Variants in SEC23A observed in about 807,000 individuals in gnomAD.
The protein encoded by SEC23A is protein transport protein Sec23A.
A neutral mutation model predicts 103.7 loss-of-function variants in SEC23A; 56 were observed. That is an observed-to-expected ratio of 0.54 (90% confidence interval 0.44 to 0.67). The LOEUF is 0.67. Ranked by LOEUF, SEC23A falls within the 30% of genes least tolerant of loss-of-function variation. SEC23A has a pLI of 0.00. For synonymous variants in SEC23A, 281 were observed against 293.0 expected, an observed-to-expected ratio of 0.96 and a Z score of 0.42; for missense variants, 784 against 936.4, an observed-to-expected ratio of 0.84 and a Z score of 2.12.
chr14:39,034,847 AAC>A (rs1302330123), intron 19 of SEC23A, among the ~76,000 whole-genome samples: 1 of 152,190 alleles, frequency 6.6e-6, no homozygotes, highest in African/African-American at 2.4e-5. Context: ...GCACTACAGC[AAC>A]AGAGGCCTCC....
intron 10 of SEC23A, among the ~76,000 whole-genome samples, chr14:39,065,997 C>CAAAAAAAAAAAACAAAAAAAA (rs1886649240): frequency 1.2e-5 from 1 of 80,556 alleles, no homozygotes; most frequent in Non-Finnish European, 2.3e-5. Context: ...AACTCCATCT[C>CAAAAAAAAAAAACAAAAAAAA]AAAAAAAAAA....
chr14:39,085,939 T>A, intron 6 of SEC23A, 33 bp from the exon 7 acceptor site: 1 of 1,580,804 alleles, frequency 6.3e-7, no homozygotes, highest in Non-Finnish European at 8.7e-7. Context: ...AAGCCATTTG[T>A]AAATGTTTAT....
At chr14:39,086,478 C>T (rs1197354208) in intron 6 of SEC23A, among the ~76,000 whole-genome samples, 1 of 151,920 alleles carries the variant, frequency 6.6e-6, no homozygotes, top group African/African-American at 2.4e-5. Flanking sequence ...AAAAATTAGC[C>T]AGGCATGGTG....
At chr14:39,101,827 T>G (rs1164242034) in intron 1 of SEC23A, among the ~76,000 whole-genome samples, 2 of 152,226 alleles carry the variant, frequency 1.3e-5, no homozygotes, top group Non-Finnish European at 2.9e-5. Context: ...CTTATGATCT[T>G]GGACAATTAA....
At chr14:39,055,387 T>C in intron 13 of SEC23A, 91 bp from the exon 14 acceptor site, 1 of 1,305,680 alleles carries the variant, frequency 7.7e-7, no homozygotes, top group East Asian at 2.4e-5. Context: ...ATTTAAAAGA[T>C]AAAAGATACA....
intron 7 of SEC23A, among the ~76,000 whole-genome samples, chr14:39,079,824 AAAAT>A (rs1233987236): frequency 6.6e-6 from 1 of 152,080 alleles, no homozygotes; most frequent in Admixed American, 6.6e-5. Context: ...ATCCATCTAA[AAAAT>A]AAATAAATAA....
chr14:39,048,939 A>G (rs1000584970), intron 14 of SEC23A, among the ~76,000 whole-genome samples: 3 of 152,162 alleles, frequency 2.0e-5, no homozygotes, highest in Non-Finnish European at 2.9e-5. Context: ...CATTGTCCCA[A>G]TGTAATTAAT....
intron 13 of SEC23A, among the ~76,000 whole-genome samples, chr14:39,060,822 G>C (rs1886448327): frequency 6.6e-6 from 1 of 152,172 alleles, no homozygotes; most frequent in African/African-American, 2.4e-5. Context: ...ACAAAGATAG[G>C]AATAAGAAAA....
In SEC23A at chr14:39,094,418, ATATATATATATATATATATATATATTT is replaced by A. The variant is rs1887800524; in HGVS notation, c.222-1201_222-1175del. On this transcript the variant is annotated intron_variant, in intron 2 of 19. Transcript: ENST00000307712. ...CACACATATATATATATATATATAT[ATATATATATATATATATATATATATTT>A]TTTTTTTTTTTTTTTCCCCTCCTGT... Among the ~76,000 whole-genome samples the A allele has an allele frequency of 3.9e-4, 23 of 59,268 alleles. 4 individuals carry two copies. The highest frequency in any genetic ancestry group is 2.9e-3 in the African/African-American group (20 of 7,000). 38.9% of individuals were successfully genotyped at this position (59,268 alleles called of 152,430 possible). A position where few individuals can be genotyped will look rare whatever the true frequency, so the allele number is the denominator to read the frequency against.
At chr14:39,062,198 A>G (rs1219398740) in intron 12 of SEC23A, among the ~76,000 whole-genome samples, 1 of 152,200 alleles carries the variant, frequency 6.6e-6, no homozygotes, top group African/African-American at 2.4e-5. Context: ...GAAGCCATTT[A>G]AGCCAAACTG....
In SEC23A at chr14:39,067,347, G is replaced by A. The variant is rs369323195; in HGVS notation, c.1104-51C>T. 424 of 1,600,492 alleles carry A rather than the reference G, an allele frequency of 2.6e-4. 2 individuals are homozygous for A. Among genetic ancestry groups the A allele is most frequent in the South Asian group, 1.0e-3 (92 of 90,160 alleles). ...CATACTTGACACAGTTACTGAGTCC[G>A]TGTGTTAAAATCGTAGAAGAAAATT... On this transcript the variant is annotated intron_variant, in intron 9 of 19. Coordinates refer to ENST00000307712, the MANE Select transcript of SEC23A (RefSeq NM_006364.4).
intron 1 of SEC23A, among the ~76,000 whole-genome samples, chr14:39,099,457 CATTAAAT>C (rs1392616944): frequency 2.0e-5 from 3 of 152,140 alleles, no homozygotes; most frequent in Non-Finnish European, 4.4e-5. Flanking sequence ...CGCTCCCCGC[CATTAAAT>C]TGTTTTAAAA....
intron 11 of SEC23A, chr14:39,064,620 T>A (rs1156279691): frequency 2.8e-6 from 1 of 361,656 alleles, no homozygotes; most frequent in East Asian, 5.7e-5. Flanking sequence ...TGAATAGAGG[T>A]ATACCAATGG....
intron 10 of SEC23A, among the ~76,000 whole-genome samples, chr14:39,065,320 C>A (rs985477824): frequency 1.3e-5 from 2 of 152,044 alleles, no homozygotes; most frequent in African/African-American, 4.8e-5. Context: ...TTCTATTTTT[C>A]CTCCCATAGA....
intron 7 of SEC23A, among the ~76,000 whole-genome samples, chr14:39,078,585 G>A (rs1450570700): frequency 2.0e-5 from 3 of 152,204 alleles, no homozygotes; most frequent in African/African-American, 4.8e-5. Context: ...TCTGCCTGGA[G>A]AAGGGTCTTT....
intron 5 of SEC23A, 142 bp downstream of exon 5, chr14:39,091,335 C>G: frequency 1.5e-6 from 1 of 653,704 alleles, no homozygotes; most frequent in Non-Finnish European, 2.7e-6. Context: ...CTGAAGCCAG[C>G]ACTGAATTTA....
At chr14:39,101,133 C>T (rs1444754939) in intron 1 of SEC23A, among the ~76,000 whole-genome samples, 2 of 152,034 alleles carry the variant, frequency 1.3e-5, no homozygotes, top group South Asian at 2.1e-4. Flanking sequence ...CGTAAACTGC[C>T]GCACCCAGCC....
intron 5 of SEC23A, among the ~76,000 whole-genome samples, chr14:39,090,283 A>G (rs895836508): frequency 2.6e-5 from 4 of 152,182 alleles, no homozygotes; most frequent in African/African-American, 4.8e-5. Context: ...AATTACTTAG[A>G]AAGTTTTTTC....
intron 10 of SEC23A, among the ~76,000 whole-genome samples, chr14:39,066,467 AAC>A (rs757977548): frequency 4.7e-5 from 7 of 150,518 alleles, no homozygotes; most frequent in South Asian, 2.1e-4. Flanking sequence ...AAAGGTAAAA[AAC>A]AGTTTCCTCT....
Sources: allele counts gnomAD v4.1 joint callset (sites outside exome capture counted in the v4.1 genomes callset), GRCh38; gene constraint gnomAD v4.1.1; transcripts MANE v1.5; gene names NCBI Gene and HGNC (gene_info 2026-07-23, HGNC 2026-07-21).